DNAH8: variants seen among roughly 807,000 people sequenced by gnomAD.
The protein encoded by DNAH8 is dynein axonemal heavy chain 8.
In DNAH8, 382 loss-of-function variants were observed where a neutral mutation model predicts 562.1. The observed-to-expected ratio is 0.68, with a 90% confidence interval of 0.63 to 0.74. The LOEUF is 0.74. Ranked by LOEUF, DNAH8 falls within the 30% of genes least tolerant of loss-of-function variation. The pLI is 0.00. For synonymous variants in DNAH8, 1,881 were observed against 1,919.4 expected, an observed-to-expected ratio of 0.98 and a Z score of 0.52; for missense variants, 5,203 against 5,620.4, an observed-to-expected ratio of 0.93 and a Z score of 2.37.
chr6:38,994,133 G>T (rs897968804), intron 88 of DNAH8, among the ~76,000 whole-genome samples: 1 of 152,102 alleles, frequency 6.6e-6, no homozygotes, highest in Admixed American at 6.5e-5. Flanking sequence ...CATAGTTTTA[G>T]TTCACTTCTC....
At position 38,915,325 on chromosome 6, in the gene DNAH8, G is replaced by A. The variant is rs374651736; in HGVS notation, c.10088G>A (p.Ser3363Asn). ...EIDSEKVKAE[S>N]KLEAAKPALE... ...GATAGTGAAAAAGTGAAAGCTGAAA[G>A]CAAGCTTGAGGCAGCTAAACCTGCA... The change falls in exon 68 of 93, where the codon AGC (serine) becomes AAC (asparagine). Residue 3363 changes from serine (S) to asparagine (N), a missense_variant. Ser to Asn is a conservative substitution (Grantham distance 46, BLOSUM62 1). This residue lies in a region of DNAH8 where 87 missense variants were observed against 144.9 expected (regional missense o/e 0.60). Transcript: ENST00000327475. 3.7e-5 allele frequency: 59 copies of A among 1,609,818 alleles called. No individual in the cohort carries two copies. The highest frequency in any genetic ancestry group is 4.8e-5 in the Non-Finnish European group (56 of 1,178,408).
At chr6:38,792,918 A>G (rs986082556) in intron 21 of DNAH8, among the ~76,000 whole-genome samples, 3 of 152,064 alleles carry the variant, frequency 2.0e-5, no homozygotes, top group Admixed American at 6.5e-5. Context: ...AGCTGAGATT[A>G]CAGGTGCATA....
intron 63 of DNAH8, among the ~76,000 whole-genome samples, chr6:38,907,343 G>C (rs548785810): frequency 6.6e-6 from 1 of 152,072 alleles, no homozygotes; most frequent in East Asian, 1.9e-4. Context: ...TTTTAGGTTT[G>C]GTCACTTCCT....
chr6:38,911,846 C>T (rs1355848096), intron 66 of DNAH8, among the ~76,000 whole-genome samples: 1 of 152,186 alleles, frequency 6.6e-6, no homozygotes, highest in Non-Finnish European at 1.5e-5. Context: ...TGTGCTGAGT[C>T]ACTGAGCCAT....
chr6:38,897,403 T>C (rs1249714385), intron 60 of DNAH8, among the ~76,000 whole-genome samples: 1 of 152,014 alleles, frequency 6.6e-6, no homozygotes, highest in Non-Finnish European at 1.5e-5. Flanking sequence ...ACAGAAAAAA[T>C]TTACCAACAC....
At chr6:38,895,739 C>T (rs1455105994) in intron 59 of DNAH8, among the ~76,000 whole-genome samples, 4 of 152,130 alleles carry the variant, frequency 2.6e-5, no homozygotes, top group African/African-American at 9.7e-5. Context: ...AATCCACCAA[C>T]CCAGAAAGAG....
rs191129489 is a variant in DNAH8 at position 38,845,327 on chromosome 6, A to T, written c.4846-247A>T. Among the ~76,000 whole-genome samples the T allele has an allele frequency of 9.3e-4, 141 of 152,318 alleles. 1 individual carries two copies. Among genetic ancestry groups the T allele is most frequent in the African/African-American group, 3.0e-3 (125 of 41,578 alleles). ...AACATAATCTGAAAAATGATGATTT[A>T]AGTTCCATTGTTTCATGTATGTGGT... On this transcript the variant is annotated intron_variant, in intron 35 of 92. Coordinates refer to ENST00000327475, the MANE Select transcript of DNAH8 (RefSeq NM_001206927.2).
At chr6:38,989,712 TG>T (rs1357892695) in intron 87 of DNAH8, among the ~76,000 whole-genome samples, 2 of 152,134 alleles carry the variant, frequency 1.3e-5, no homozygotes, top group African/African-American at 4.8e-5. Context: ...ATTCCTAAAA[TG>T]GAATTGAGGG....
chr6:39,021,930 A>C (rs1442002969), intron 91 of DNAH8, among the ~76,000 whole-genome samples: 2 of 152,244 alleles, frequency 1.3e-5, no homozygotes, highest in Non-Finnish European at 1.5e-5. Flanking sequence ...AATGATATTT[A>C]AAGCACTCTT....
intron 12 of DNAH8, among the ~76,000 whole-genome samples, chr6:38,771,428 CT>C (rs1177571610): frequency 6.6e-6 from 1 of 152,182 alleles, no homozygotes; most frequent in Non-Finnish European, 1.5e-5. Flanking sequence ...CCACTTACAA[CT>C]GTACAAGTCA....
chr6:39,030,239 G>C lies in DNAH8; in HGVS notation c.13971G>C (p.Thr4657=). 1 of 1,614,024 alleles carries C rather than the reference G, an allele frequency of 6.2e-7. No individual in the cohort carries two copies. The highest frequency in any genetic ancestry group is 8.5e-7 in the Non-Finnish European group (1 of 1,180,004). The change falls in exon 93 of 93, where the codon ACG becomes ACC. Residue 4657 remains threonine (T), a synonymous_variant. Coordinates refer to ENST00000327475, the MANE Select transcript of DNAH8 (RefSeq NM_001206927.2). ...TCCACATCTTTGCCATTAACTCCACGGCACCCAAGGACCCCAAGCTGTATG... is the reference window on the plus strand; with the variant it reads ...TCCACATCTTTGCCATTAACTCCACCGCACCCAAGGACCCCAAGCTGTATG... The part of the protein sequence containing the change: ...PVLHIFAINS[T]APKDPKLYVC...
chr6:38,763,351 G>T, intron 11 of DNAH8: 1 of 237,616 alleles, frequency 4.2e-6, no homozygotes, highest in East Asian at 1.2e-4. Context: ...TGCTTGGACA[G>T]AGTTTTCTTA....
At chr6:39,018,503 G>A (rs757289922) in intron 91 of DNAH8, among the ~76,000 whole-genome samples, 5 of 152,058 alleles carry the variant, frequency 3.3e-5, no homozygotes, top group Admixed American at 2.0e-4. Context: ...CGGCCCCCTC[G>A]TTGATGACCT....
chr6:38,842,600 A>G, intron 34 of DNAH8, 63 bp from the exon 35 acceptor site: 1 of 1,588,716 alleles, frequency 6.3e-7, no homozygotes, highest in Non-Finnish European at 8.6e-7. Flanking sequence ...TAGTGTATAT[A>G]CATAAAACCT....
intron 91 of DNAH8, among the ~76,000 whole-genome samples, chr6:39,018,820 C>A (rs1274537870): frequency 6.6e-6 from 1 of 151,972 alleles, no homozygotes; most frequent in Non-Finnish European, 1.5e-5. Context: ...TCCAAGAGGG[C>A]AAGTAAGATG....
At chr6:38,999,920 CACACACACACACAA>C (rs1765370897) in intron 88 of DNAH8, among the ~76,000 whole-genome samples, 2 of 57,530 alleles carry the variant, frequency 3.5e-5, no homozygotes, top group African/African-American at 2.3e-4. Flanking sequence ...GGCATTTATA[CACACACACACACAA>C]ACACACACAC....
chr6:38,929,785 A>T (rs1184176771), intron 75 of DNAH8, 119 bp downstream of exon 75: 4 of 923,178 alleles, frequency 4.3e-6, no homozygotes, highest in African/African-American at 1.7e-5. Flanking sequence ...TATCTTATTG[A>T]GCATAGCAGC....
intron 91 of DNAH8, among the ~76,000 whole-genome samples, chr6:39,026,063 T>C (rs763099453): frequency 3.9e-5 from 6 of 152,372 alleles, no homozygotes; most frequent in Non-Finnish European, 8.8e-5. Flanking sequence ...AAGTCAGGTT[T>C]TCTATTTTGG....
At chr6:38,901,602 A>G (rs1034776003) in intron 62 of DNAH8, among the ~76,000 whole-genome samples, 1 of 152,076 alleles carries the variant, frequency 6.6e-6, no homozygotes, top group African/African-American at 2.4e-5. Flanking sequence ...TAAATTTAAC[A>G]TATGTATATT....
Sources: gnomAD v4.1 joint callset for allele counts (sites outside exome capture counted in the v4.1 genomes callset) on GRCh38, gnomAD v4.1.1 for gene constraint, gnomAD v4.1.1 regional missense constraint, MANE v1.5 for transcripts, NCBI Gene and HGNC (gene_info 2026-07-23, HGNC 2026-07-21) for gene names.